Variants in N4BP2 observed in about 807,000 individuals in gnomAD.
The protein encoded by N4BP2 is NEDD4 binding protein 2.
A neutral mutation model predicts 152.8 loss-of-function variants in N4BP2; 91 were observed. The ratio of observed to expected loss-of-function variants is 0.60; its 90% CI spans 0.50 to 0.71. The LOEUF is 0.71. N4BP2 is among the 30% of genes least tolerant of loss of function. N4BP2 has a pLI of 0.00. For missense variants in N4BP2, 1,923 were observed against 2,059.1 expected, an observed-to-expected ratio of 0.93 and a Z score of 1.28; for synonymous variants, 646 against 705.3, an observed-to-expected ratio of 0.92 and a Z score of 1.33.
At chr4:40,164,286 A>T in the N4BP2 span, among the ~76,000 whole-genome samples, 1 of 152,120 alleles carries the variant, frequency 6.6e-6, no homozygotes, top group Non-Finnish European at 1.5e-5. Context: ...AGGTTGTAGG[A>T]AGGAACCTTG....
intron 2 of N4BP2, among the ~76,000 whole-genome samples, chr4:40,093,939 T>C (rs1351243191): frequency 6.6e-6 from 1 of 152,164 alleles, no homozygotes; most frequent in East Asian, 1.9e-4. Context: ...TTTACCATAT[T>C]GCCCAGGATG....
the N4BP2 span, among the ~76,000 whole-genome samples, chr4:40,185,593 A>G: frequency 6.6e-6 from 1 of 152,114 alleles, no homozygotes; most frequent in South Asian, 2.1e-4. Context: ...ACATTTGAGA[A>G]CTTAAACTTA....
At chr4:40,117,230 G>A (rs1264644345) in intron 7 of N4BP2, among the ~76,000 whole-genome samples, 1 of 152,054 alleles carries the variant, frequency 6.6e-6, no homozygotes, top group Non-Finnish European at 1.5e-5. Flanking sequence ...TTTTGGCTCT[G>A]GCTCCTATGA....
chr4:40,108,908 C>T (rs1560601773), intron 5 of N4BP2, among the ~76,000 whole-genome samples: 1 of 151,376 alleles, frequency 6.6e-6, no homozygotes, highest in Admixed American at 6.6e-5. Context: ...TGTCTGCCTC[C>T]CGGGTTTAAG....
the N4BP2 span, among the ~76,000 whole-genome samples, chr4:40,189,084 T>C: frequency 6.6e-6 from 1 of 152,032 alleles, no homozygotes; most frequent in Non-Finnish European, 1.5e-5. The surrounding 1 kb of genome is among the most constrained non-coding windows in gnomAD (Gnocchi z 4.3). Context: ...AGGGGGAGGT[T>C]GCAGTGAGCC....
chr4:40,084,249 C>T (rs953443369), intron 2 of N4BP2, among the ~76,000 whole-genome samples: 2 of 152,218 alleles, frequency 1.3e-5, no homozygotes, highest in Non-Finnish European at 2.9e-5. Flanking sequence ...CCGCACCCAG[C>T]TTATTTTGAA....
At chr4:40,113,853 A>T (rs1344178918) in intron 7 of N4BP2, among the ~76,000 whole-genome samples, 1 of 152,012 alleles carries the variant, frequency 6.6e-6, no homozygotes, top group African/African-American at 2.4e-5. Context: ...CTGCCTCCCA[A>T]AGTGCTGGGA....
chr4:40,115,658 C>G (rs1717277006), intron 7 of N4BP2, among the ~76,000 whole-genome samples: 1 of 152,090 alleles, frequency 6.6e-6, no homozygotes, highest in East Asian at 1.9e-4. Context: ...AATTTCTGAA[C>G]AGATGAGTGT....
chr4:40,169,104 C>T, the N4BP2 span, among the ~76,000 whole-genome samples: 4 of 150,688 alleles, frequency 2.7e-5, no homozygotes, highest in Admixed American at 6.6e-5. Context: ...AAAAAAGGGC[C>T]GGGCGTGGTG....
At chr4:40,187,997 A>G in the N4BP2 span, among the ~76,000 whole-genome samples, 1 of 152,262 alleles carries the variant, frequency 6.6e-6, no homozygotes, top group Admixed American at 6.5e-5. Context: ...CAAGGAACAG[A>G]GTGAGGGCAA....
intron 3 of N4BP2, among the ~76,000 whole-genome samples, chr4:40,098,938 G>A (rs112481201): frequency 1.7e-3 from 252 of 152,214 alleles, no homozygotes; most frequent in African/African-American, 5.7e-3. Context: ...GCTGTAATCT[G>A]TATTTTTAAT....
In N4BP2 at chr4:40,126,297, A is replaced by G. The variant is rs779596275; in HGVS notation, c.4494A>G (p.Ser1498=). Residue 1498 remains serine, a synonymous_variant, in exon 12 of 18, where the codon TCA becomes TCG. Transcript: ENST00000261435. ...TKKVSLREIM[S]EEIALQEKHN... Reference sequence around the variant, plus strand: ...AAGTATCACTCAGAGAAATAATGTCAGAAGAAATTGCCTTACAGGAAAAAC... The same window carrying G: ...AAGTATCACTCAGAGAAATAATGTCGGAAGAAATTGCCTTACAGGAAAAAC... The G allele has an allele frequency of 7.0e-6, 11 of 1,572,930 alleles. No homozygotes were observed. The highest frequency in any genetic ancestry group is 9.5e-6 in the Non-Finnish European group (11 of 1,158,700).
intron 14 of N4BP2, among the ~76,000 whole-genome samples, chr4:40,141,471 C>A (rs981867274): frequency 6.7e-6 from 1 of 148,470 alleles, no homozygotes; most frequent in Non-Finnish European, 1.5e-5. Flanking sequence ...AGAGGCGCTC[C>A]CCACATCTCA....
Position 40,142,736 on chromosome 4 carries a change from C to G in N4BP2, c.4849C>G (p.Pro1617Ala). The change falls in exon 15 of 18, where the codon CCA becomes GCA. Residue 1617 changes from proline to alanine, a missense_variant. Coordinates refer to ENST00000261435, the MANE Select transcript of N4BP2 (RefSeq NM_018177.6). ...SELSFQDFEYPDYDDYRAEAF... is the reference protein window; with the variant it reads ...SELSFQDFEYADYDDYRAEAF... ...ACTGTCTTTCCAGGACTTTGAGTAC[C>G]CAGACTATGATGACTACAGAGCAGA... 2 of 1,613,696 alleles carry G rather than the reference C, an allele frequency of 1.2e-6. No homozygotes were observed. The highest frequency in any genetic ancestry group is 1.7e-5 in the Admixed American group (1 of 59,988).
chr4:40,163,063 T>C (rs1480668971), downstream of N4BP2, among the ~76,000 whole-genome samples: 1 of 152,188 alleles, frequency 6.6e-6, no homozygotes, highest in African/African-American at 2.4e-5. Flanking sequence ...TGACTTAGTA[T>C]TGGAAGTTTT....
intron 14 of N4BP2, among the ~76,000 whole-genome samples, chr4:40,140,558 G>A (rs1033484569): frequency 6.6e-6 from 1 of 151,982 alleles, no homozygotes; most frequent in Non-Finnish European, 1.5e-5. Context: ...AGTTATTCTG[G>A]AAATTATTTT....
At chr4:40,116,503 A>T (rs1717349498) in intron 7 of N4BP2, among the ~76,000 whole-genome samples, 1 of 152,152 alleles carries the variant, frequency 6.6e-6, no homozygotes, top group South Asian at 2.1e-4. Flanking sequence ...AATTGTGCAG[A>T]CTTTAAATCT....
chr4:40,183,924 G>A, the N4BP2 span, among the ~76,000 whole-genome samples: 2 of 152,212 alleles, frequency 1.3e-5, no homozygotes, highest in Non-Finnish European at 2.9e-5. Flanking sequence ...AGGAAGACGG[G>A]TGCTCCTGCC....
At position 40,137,113 on chromosome 4, in the gene N4BP2, G is replaced by C. The variant is rs368693476; in HGVS notation, c.4785+31G>C. On this transcript the variant is annotated intron_variant, in intron 14 of 17. Coordinates refer to ENST00000261435, the MANE Select transcript of N4BP2 (RefSeq NM_018177.6). ...GAGTTACTAATTTTTTTTCTACAAG[G>C]GTAGATAATTGCATATAAAAATATA... 2.0e-5 allele frequency: 31 copies of C among 1,525,608 alleles called. No individual in the cohort carries two copies. The African/African-American group carries it at 3.3e-4, about 16-fold the overall frequency. The allele number at this position is 1,525,608 out of a possible 1,614,324, so 94.5% of individuals were successfully genotyped here.
Sources: gnomAD v4.1 joint callset for allele counts (sites outside exome capture counted in the v4.1 genomes callset) on GRCh38, gnomAD v4.1.1 for gene constraint, Gnocchi (gnomAD v3.1) non-coding constraint, MANE v1.5 for transcripts, NCBI Gene and HGNC (gene_info 2026-07-23, HGNC 2026-07-21) for gene names.